PTK2: variants seen among roughly 807,000 people sequenced by gnomAD.
PTK2 encodes the protein protein tyrosine kinase 2, also known as focal adhesion kinase 1.
PTK2 carries 45 observed loss-of-function variants against 150.1 expected under a neutral mutation model. The ratio of observed to expected loss-of-function variants is 0.30; its 90% CI spans 0.24 to 0.38. The LOEUF is 0.38. Ranked by LOEUF, PTK2 falls within the 10% of genes least tolerant of loss-of-function variation. The pLI is 1.00. For missense variants in PTK2, 919 were observed against 1,307.3 expected, an observed-to-expected ratio of 0.70 and a Z score of 4.58; for synonymous variants, 432 against 449.2, an observed-to-expected ratio of 0.96 and a Z score of 0.48.
intron 1 of PTK2, among the ~76,000 whole-genome samples, chr8:140,972,698 GC>G (rs757264194): frequency 7.2e-5 from 11 of 151,806 alleles, no homozygotes; most frequent in Non-Finnish European, 1.5e-4. Flanking sequence ...TTCACTATCT[GC>G]CCCTTTACAA....
chr8:140,878,162 C>G (rs949975974), intron 4 of PTK2, among the ~76,000 whole-genome samples: 12 of 152,208 alleles, frequency 7.9e-5, no homozygotes, highest in Non-Finnish European at 1.2e-4. Flanking sequence ...GAAGTCAAAT[C>G]TTCTCTAGCC....
At chr8:140,965,571 C>A (rs1018692531) in intron 1 of PTK2, among the ~76,000 whole-genome samples, 2 of 152,136 alleles carry the variant, frequency 1.3e-5, no homozygotes, top group African/African-American at 4.8e-5. Flanking sequence ...TCTCTTCCTC[C>A]TCCAAGTAAA....
chr8:140,858,900 C>CA (rs2154605405), intron 5 of PTK2, among the ~76,000 whole-genome samples: 1 of 152,230 alleles, frequency 6.6e-6, no homozygotes, highest in South Asian at 2.1e-4. Context: ...CTCTTGACTA[C>CA]AATGCAAAAT....
At chr8:140,991,951 G>A (rs306958) in intron 1 of PTK2, among the ~76,000 whole-genome samples, 146,795 of 152,044 alleles carry the variant, frequency 0.97, 71,056 homozygotes, top group East Asian at 1. Flanking sequence ...AGCTGTGATC[G>A]CGCACTCCAG....
At chr8:140,849,861 C>G (rs1156946412) in intron 5 of PTK2, among the ~76,000 whole-genome samples, 1 of 152,160 alleles carries the variant, frequency 6.6e-6, no homozygotes, top group Non-Finnish European at 1.5e-5. Context: ...GTATCAACCC[C>G]GAAAACTCCA....
intron 20 of PTK2, among the ~76,000 whole-genome samples, chr8:140,742,111 G>C (rs1565451912): frequency 6.6e-6 from 1 of 152,210 alleles, no homozygotes; most frequent in African/African-American, 2.4e-5. Flanking sequence ...ACTCCAGCCT[G>C]AGTGACAATG....
intron 16 of PTK2, among the ~76,000 whole-genome samples, chr8:140,759,038 G>T (rs768978506): frequency 1.2e-4 from 18 of 152,214 alleles, no homozygotes; most frequent in Non-Finnish European, 2.4e-4. Context: ...TAGCCTAGAT[G>T]TGTAGTAGGC....
chr8:140,773,988 T>G (rs1169631427), intron 14 of PTK2, among the ~76,000 whole-genome samples: 1 of 152,176 alleles, frequency 6.6e-6, no homozygotes, highest in East Asian at 1.9e-4. Flanking sequence ...CAGGCTGCTC[T>G]GAGCAGCTTT....
chr8:140,872,956 C>T (rs1052557606), intron 4 of PTK2, among the ~76,000 whole-genome samples: 5 of 152,212 alleles, frequency 3.3e-5, no homozygotes, highest in African/African-American at 1.2e-4. Context: ...TGATGTTATA[C>T]AGCTAAGTTT....
intron 1 of PTK2, among the ~76,000 whole-genome samples, chr8:140,953,168 T>C (rs2100180072): frequency 2.0e-5 from 3 of 152,200 alleles, no homozygotes; most frequent in African/African-American, 7.2e-5. Context: ...TATTCCCACT[T>C]ATCTGCAGGG....
intron 4 of PTK2, among the ~76,000 whole-genome samples, chr8:140,875,103 A>G (rs2100144762): frequency 6.6e-6 from 1 of 152,210 alleles, no homozygotes; most frequent in Non-Finnish European, 1.5e-5. Flanking sequence ...TTAGGTAGCC[A>G]GTAGGAGACC....
chr8:140,938,673 C>G (rs2100174574), intron 1 of PTK2, among the ~76,000 whole-genome samples: 1 of 152,204 alleles, frequency 6.6e-6, no homozygotes, highest in African/African-American at 2.4e-5. Flanking sequence ...AGAGCTTCAG[C>G]TGAGGAAACA....
At chr8:140,788,750 A>G (rs1330791684) in intron 14 of PTK2, among the ~76,000 whole-genome samples, 1 of 152,184 alleles carries the variant, frequency 6.6e-6, no homozygotes, top group Non-Finnish European at 1.5e-5. Flanking sequence ...AGTTAAAAGG[A>G]AACTATTATT....
chr8:140,804,243 TTTC>T (rs1456740829), intron 10 of PTK2, among the ~76,000 whole-genome samples: 1 of 151,922 alleles, frequency 6.6e-6, no homozygotes, highest in Non-Finnish European at 1.5e-5. Context: ...TTTTTTTCTT[TTTC>T]TTCTATTACT....
chr8:140,693,564 TAAAAAAAAAAAAAAAAAAAAAAAAAAAAA>T, intron 26 of PTK2, among the ~76,000 whole-genome samples: 1 of 72,458 alleles, frequency 1.4e-5, no homozygotes, highest in Non-Finnish European at 2.5e-5. Flanking sequence ...TTGTCTCAAT[TAAAAAAAAAAAAAAAAAAAAAAAAAAAAA>T]AAAAAAAAAG....
intron 4 of PTK2, among the ~76,000 whole-genome samples, chr8:140,866,451 T>C (rs2100139346): frequency 6.6e-6 from 1 of 152,212 alleles, no homozygotes; most frequent in African/African-American, 2.4e-5. Context: ...ACAGATGATT[T>C]CTTTTTAGAG....
In PTK2 at chr8:140,674,287, C is replaced by T; in HGVS notation, c.2709+11G>A. On this transcript the variant is annotated intron_variant, in intron 29 of 31. Coordinates refer to ENST00000522684, the Ensembl canonical transcript of PTK2. The stretch of plus-strand genomic sequence containing the variant: ...GCAAGCAGAAGGTGCTGCACAGGCT[C>T]AGATGCCCACCTTGACACCCTCGTT... 6.3e-7 allele frequency: 1 copy of T among 1,595,016 alleles called. No homozygotes were observed. Among genetic ancestry groups the T allele is most frequent in the Non-Finnish European group, 8.5e-7 (1 of 1,169,730 alleles).
chr8:140,877,914 A>T (rs1297784287), intron 4 of PTK2, among the ~76,000 whole-genome samples: 2 of 152,190 alleles, frequency 1.3e-5, no homozygotes, highest in African/African-American at 2.4e-5. Context: ...GGATTTCATT[A>T]TAACAAAGTC....
At chr8:140,687,586 C>T (rs1250179064) in intron 26 of PTK2, among the ~76,000 whole-genome samples, 1 of 152,198 alleles carries the variant, frequency 6.6e-6, no homozygotes, top group African/African-American at 2.4e-5. Flanking sequence ...TGCCACTGAG[C>T]ACACCATCTG....
Sources: allele counts gnomAD v4.1 joint callset (sites outside exome capture counted in the v4.1 genomes callset), GRCh38; gene constraint gnomAD v4.1.1; transcripts MANE v1.5; gene names NCBI Gene and HGNC (gene_info 2026-07-23, HGNC 2026-07-21).